The following CDH4 variants were observed in gnomAD, a reference collection of about 807,000 sequenced individuals.
The protein encoded by CDH4 is cadherin 4.
In CDH4, 33 loss-of-function variants were observed where a neutral mutation model predicts 86.0. That is an observed-to-expected ratio of 0.38 (90% CI 0.29 to 0.51). CDH4 has a LOEUF of 0.51. Among genes scored for constraint, CDH4 ranks in the 20% least tolerant of loss-of-function variants. The pLI, the probability that CDH4 is intolerant of heterozygous loss-of-function variation, is 0.86. For missense variants in CDH4, 1,114 were observed against 1,307.4 expected (o/e 0.85, Z 2.28); for synonymous variants, 555 against 549.4 (o/e 1.01, Z -0.14).
rs1337939220 is a variant in CDH4 at position 61,663,346 on chromosome 20, G to C, written c.170-80217G>C. Among the ~76,000 whole-genome samples the C allele has an allele frequency of 2.0e-5, 3 of 152,218 alleles. No individual in the cohort carries two copies. The highest frequency in any genetic ancestry group is 7.2e-5 in the African/African-American group (3 of 41,462). ...CGGAGCTCCTGGGAGGGTGACGCTG[G>C]GGCAGGGGCTGCTGCGGACAAGCGT... is the stretch of plus-strand genomic sequence containing the variant. On this transcript the variant is annotated intron_variant, in intron 2 of 15. Coordinates refer to ENST00000614565, the MANE Select transcript of CDH4 (RefSeq NM_001794.5). The surrounding 1 kb of genome is among the most constrained non-coding windows in gnomAD (Gnocchi z 5.0).
chr20:61,590,885 G>GGGT (rs2086514431), intron 2 of CDH4, among the ~76,000 whole-genome samples: 1 of 151,524 alleles, frequency 6.6e-6, no homozygotes, highest in Non-Finnish European at 1.5e-5. Context: ...ATGGGGGGGG[G>GGGT]GGTCCCCGGG....
chr20:61,695,467 C>G (rs2087705948), intron 2 of CDH4, among the ~76,000 whole-genome samples: 1 of 152,234 alleles, frequency 6.6e-6, no homozygotes, highest in Non-Finnish European at 1.5e-5. Context: ...GGGTGCCCAG[C>G]AAGCCCCTTT....
chr20:61,798,588 A>G (rs1979670106), intron 4 of CDH4, among the ~76,000 whole-genome samples: 1 of 152,146 alleles, frequency 6.6e-6, no homozygotes, highest in African/African-American at 2.4e-5. Context: ...ACTGGCCAAG[A>G]CCACATGGAC....
chr20:61,513,649 A>C (rs1427377894), intron 2 of CDH4, among the ~76,000 whole-genome samples: 1 of 152,182 alleles, frequency 6.6e-6, no homozygotes, highest in Non-Finnish European at 1.5e-5. Flanking sequence ...CACCTCTGAA[A>C]ATTGACCAGT....
intron 2 of CDH4, among the ~76,000 whole-genome samples, chr20:61,424,677 C>T (rs939234896): frequency 6.9e-6 from 1 of 144,888 alleles, no homozygotes; most frequent in African/African-American, 2.5e-5. Flanking sequence ...TGGCCAGCTC[C>T]AGCTCATCAC....
At chr20:61,764,604 G>T (rs1020068367) in intron 3 of CDH4, among the ~76,000 whole-genome samples, 1 of 152,086 alleles carries the variant, frequency 6.6e-6, no homozygotes, top group African/African-American at 2.4e-5. Flanking sequence ...TGGAGCCCAG[G>T]CTGTCATTTT....
At chr20:61,381,414 A>C (rs958295521) in intron 2 of CDH4, among the ~76,000 whole-genome samples, 5 of 152,212 alleles carry the variant, frequency 3.3e-5, no homozygotes, top group African/African-American at 1.2e-4. Flanking sequence ...TAATTAGTTC[A>C]TTGCACATAA....
rs531641425 is a variant in CDH4, at chr20:61,518,036, C to T, written c.170-225527C>T. Among the ~76,000 whole-genome samples the T allele has an allele frequency of 3.3e-5, 5 of 152,284 alleles. No individual in the cohort carries two copies. The South Asian group carries it at 1.0e-3, about 32-fold the overall frequency. On this transcript the variant is annotated intron_variant, in intron 2 of 15. Coordinates refer to ENST00000614565, the MANE Select transcript of CDH4 (RefSeq NM_001794.5). The surrounding 1 kb of genome is among the most constrained non-coding windows in gnomAD (Gnocchi z 6.3). ...GGGAGGATGCCTCAGCCCAGGTTAC[C>T]TGATCCCTTTTCAGGCGCTATTTTC...
intron 15 of CDH4, among the ~76,000 whole-genome samples, chr20:61,934,565 C>T (rs981855653): frequency 2.6e-5 from 4 of 152,200 alleles, no homozygotes; most frequent in Non-Finnish European, 4.4e-5. Flanking sequence ...AGCGGGGCGA[C>T]GGCGGGGAAG....
At chr20:61,795,421 C>T (rs74697847) in intron 4 of CDH4, among the ~76,000 whole-genome samples, 2,284 of 152,042 alleles carry the variant, frequency 0.015, 56 homozygotes, top group African/African-American at 0.052. Flanking sequence ...CTTTAAGGAG[C>T]CCCCAGGAAG....
intron 2 of CDH4, among the ~76,000 whole-genome samples, chr20:61,600,544 C>G (rs990011033): frequency 6.6e-6 from 1 of 152,138 alleles, no homozygotes; most frequent in African/African-American, 2.4e-5. Flanking sequence ...AATGAATGCC[C>G]GCAACTCACC....
At chr20:61,629,973 C>T (rs979272400) in intron 2 of CDH4, among the ~76,000 whole-genome samples, 1 of 152,222 alleles carries the variant, frequency 6.6e-6, no homozygotes, top group African/African-American at 2.4e-5. Flanking sequence ...GGACAGCTGA[C>T]TGCCTTGTCC....
chr20:61,638,091 T>G (rs1300913958), intron 2 of CDH4, among the ~76,000 whole-genome samples: 4 of 150,048 alleles, frequency 2.7e-5, no homozygotes, highest in Non-Finnish European at 5.9e-5. Context: ...GACATGAGGC[T>G]AATTAGGAAG....
At chr20:61,872,322 C>T (rs1284940450) in intron 6 of CDH4, among the ~76,000 whole-genome samples, 2 of 152,198 alleles carry the variant, frequency 1.3e-5, no homozygotes, top group African/African-American at 2.4e-5. Context: ...GGCCCCATGA[C>T]TCAGTCCAGA....
At chr20:61,578,229 A>G (rs2086398914) in intron 2 of CDH4, among the ~76,000 whole-genome samples, 1 of 152,216 alleles carries the variant, frequency 6.6e-6, no homozygotes, top group African/African-American at 2.4e-5. Context: ...CCCACCAAAG[A>G]GAATGGCTAC....
intron 2 of CDH4, among the ~76,000 whole-genome samples, chr20:61,349,621 C>A (rs2084698318): frequency 6.6e-6 from 1 of 152,154 alleles, no homozygotes; most frequent in African/African-American, 2.4e-5. Context: ...GCACAGCAGG[C>A]CTCATCGGGA....
intron 2 of CDH4, among the ~76,000 whole-genome samples, chr20:61,638,766 G>A (rs188881156): frequency 1.3e-5 from 2 of 152,334 alleles, no homozygotes; most frequent in Admixed American, 1.3e-4. Flanking sequence ...GCAAAACAGA[G>A]GTGCTCTATG....
chr20:61,270,976 C>T (rs1014256189), intron 2 of CDH4, among the ~76,000 whole-genome samples: 1 of 152,190 alleles, frequency 6.6e-6, no homozygotes, highest in Non-Finnish European at 1.5e-5. Flanking sequence ...GCCGCCCTGA[C>T]ACACTTGGAC....
chr20:61,805,509 C>G (rs544888069), intron 4 of CDH4, among the ~76,000 whole-genome samples: 7 of 152,248 alleles, frequency 4.6e-5, no homozygotes, highest in Non-Finnish European at 1.0e-4. Context: ...GTACACTCCC[C>G]TGCCCGGCCT....
Sources: gnomAD v4.1 joint callset for allele counts (sites outside exome capture counted in the v4.1 genomes callset) on GRCh38, gnomAD v4.1.1 for gene constraint, Gnocchi (gnomAD v3.1) non-coding constraint, MANE v1.5 for transcripts, NCBI Gene and HGNC (gene_info 2026-07-23, HGNC 2026-07-21) for gene names.